CEP128: variants seen among roughly 807,000 people sequenced by gnomAD.
The protein encoded by CEP128 is centrosomal protein 128kDa.
Under a neutral mutation model 156.7 loss-of-function variants are expected in CEP128, and 132 were observed. The ratio of observed to expected loss-of-function variants is 0.84; its 90% CI spans 0.73 to 0.97. CEP128 has a LOEUF of 0.97. Among genes scored for constraint, CEP128 ranks in the 50% least tolerant of loss-of-function variants. The pLI is 0.00. For synonymous variants in CEP128, 469 were observed against 448.9 expected, an observed-to-expected ratio of 1.04 and a Z score of -0.57; for missense variants, 1,252 against 1,281.9, an observed-to-expected ratio of 0.98 and a Z score of 0.36.
chr14:80,885,350 G>A (rs1294566314), intron 8 of CEP128, among the ~76,000 whole-genome samples: 3 of 152,190 alleles, frequency 2.0e-5, no homozygotes, highest in Non-Finnish European at 4.4e-5. Context: ...TCTCAGCAGG[G>A]GTCAACAGAC....
exon 15 of CEP128, chr14:80,478,034 C>G (rs1468848161): frequency 6.6e-6 from 1 of 152,172 alleles, no homozygotes; most frequent in Admixed American, 6.5e-5. Flanking sequence ...CTGGATACTT[C>G]CCTTCAGCTT....
At chr14:80,542,172 T>C (rs905202462) in intron 21 of CEP128, among the ~76,000 whole-genome samples, 7 of 152,208 alleles carry the variant, frequency 4.6e-5, no homozygotes, top group Non-Finnish European at 8.8e-5. Context: ...TCCCATCCTG[T>C]GTGTAATTAT....
At chr14:80,736,807 T>C (rs1306730856) in intron 19 of CEP128, among the ~76,000 whole-genome samples, 1 of 152,232 alleles carries the variant, frequency 6.6e-6, no homozygotes. Flanking sequence ...ACTAAAGACA[T>C]GAATGTTGAT....
At chr14:80,955,586 T>A (rs1886616762) in intron 2 of CEP128, 1 of 1,477,284 alleles carries the variant, frequency 6.8e-7, no homozygotes, top group Non-Finnish European at 9.4e-7. Context: ...CCCCTCCCGC[T>A]CCCGGGTCTC....
chr14:80,720,219 T>C (rs1023560204), intron 19 of CEP128, among the ~76,000 whole-genome samples: 6 of 152,036 alleles, frequency 3.9e-5, no homozygotes, highest in Non-Finnish European at 4.4e-5. Flanking sequence ...TGTCAGAACA[T>C]AATGCTCAAG....
intron 16 of CEP128, among the ~76,000 whole-genome samples, chr14:80,772,878 T>C (rs958329232): frequency 4.6e-5 from 7 of 152,160 alleles, no homozygotes; most frequent in East Asian, 1.9e-4. Flanking sequence ...TCTGAGACAA[T>C]GCTTGTTAAA....
At chr14:80,802,445 C>T (rs1883926267) in intron 13 of CEP128, among the ~76,000 whole-genome samples, 1 of 151,792 alleles carries the variant, frequency 6.6e-6, no homozygotes, top group Non-Finnish European at 1.5e-5. Context: ...GAACAGAAAA[C>T]CAAACACCGC....
In CEP128 at chr14:80,745,234, G is replaced by C. The variant is rs139737999; in HGVS notation, c.2614-1967C>G. Among the ~76,000 whole-genome samples, 286 of 152,128 alleles carry C rather than the reference G, an allele frequency of 1.9e-3. 2 individuals carry two copies. The highest frequency in any genetic ancestry group is 6.4e-3 in the African/African-American group (264 of 41,492). Reference sequence around the variant, plus strand: ...TCTCTCTCTCTTGCAGCCATGTGAAGACAAGACATGCTTGCTTCCCTTTCA... The same window carrying C: ...TCTCTCTCTCTTGCAGCCATGTGAACACAAGACATGCTTGCTTCCCTTTCA... On this transcript the variant is annotated intron_variant, in intron 18 of 24. Transcript: ENST00000555265.
At chr14:80,731,080 C>T (rs1898249774) in intron 19 of CEP128, among the ~76,000 whole-genome samples, 1 of 152,120 alleles carries the variant, frequency 6.6e-6, no homozygotes, top group Admixed American at 6.6e-5. Flanking sequence ...GAAATTTTGA[C>T]AATTCTATTT....
At chr14:80,644,796 G>A (rs6574594) in intron 19 of CEP128, among the ~76,000 whole-genome samples, 20,917 of 151,958 alleles carry the variant, frequency 0.14, 1,662 homozygotes, top group East Asian at 0.34. Context: ...TGTTTAATGT[G>A]GATTAGTTAG....
intron 19 of CEP128, among the ~76,000 whole-genome samples, chr14:80,719,991 A>C (rs1004493762): frequency 2.9e-4 from 44 of 152,140 alleles, no homozygotes; most frequent in African/African-American, 1.0e-3. Context: ...AAAGATAGAA[A>C]CACAGAAAAG....
At chr14:80,723,650 A>C (rs1294670675) in intron 19 of CEP128, among the ~76,000 whole-genome samples, 1 of 152,212 alleles carries the variant, frequency 6.6e-6, no homozygotes, top group African/African-American at 2.4e-5. Context: ...TGATTTTAGC[A>C]CTTGTTTTTA....
At chr14:80,876,481 C>T (rs1456352734) in intron 8 of CEP128, among the ~76,000 whole-genome samples, 1 of 151,802 alleles carries the variant, frequency 6.6e-6, no homozygotes, top group Non-Finnish European at 1.5e-5. Context: ...CCTGTAGTCC[C>T]AGCTACTTGG....
intron 19 of CEP128, among the ~76,000 whole-genome samples, chr14:80,736,678 T>C (rs1898548086): frequency 6.6e-6 from 1 of 152,154 alleles, no homozygotes; most frequent in South Asian, 2.1e-4. Context: ...ATTAAGTTCA[T>C]CCAATAGAAG....
chr14:80,785,429 C>T lies in CEP128; in HGVS notation c.1677G>A (p.Glu559=), dbSNP rs1461642141. The change falls in exon 15 of 25, where the codon GAG becomes GAA. Residue 559 remains glutamate, a synonymous_variant. Coordinates refer to ENST00000555265, the MANE Select transcript of CEP128 (RefSeq NM_152446.5). ...GTAATTTCTCCTCCTTGGAGTGAAG[C>T]TCCTCCTCCTGAAGGGCACGCTTTG... ...VLTKRALQEE[E]LHSKEEKLRD... The T allele has an allele frequency of 1.5e-5, 24 of 1,613,938 alleles. No individual in the cohort carries two copies. The highest frequency in any genetic ancestry group is 2.0e-5 in the Non-Finnish European group (24 of 1,179,978).
chr14:80,601,877 C>T (rs78851668), intron 19 of CEP128, among the ~76,000 whole-genome samples: 5 of 138,844 alleles, frequency 3.6e-5, no homozygotes, highest in Non-Finnish European at 7.8e-5. Flanking sequence ...AAGTGGCACA[C>T]ATAACTGTAA....
intron 20 of CEP128, among the ~76,000 whole-genome samples, chr14:80,561,737 T>C (rs1034302361): frequency 3.9e-5 from 6 of 152,112 alleles, no homozygotes; most frequent in African/African-American, 1.4e-4. Flanking sequence ...TCCTAATTCA[T>C]ATCTTAGTGT....
chr14:80,946,375 T>A (rs1886345427), upstream of CEP128, among the ~76,000 whole-genome samples: 1 of 96,780 alleles, frequency 1.0e-5, no homozygotes, highest in Non-Finnish European at 2.2e-5. Flanking sequence ...TGATGCATCA[T>A]GATGATGCCT....
downstream of CEP128, among the ~76,000 whole-genome samples, chr14:80,488,992 G>T (rs191125321): frequency 2.7e-5 from 4 of 149,280 alleles, no homozygotes; most frequent in African/African-American, 9.9e-5. Context: ...TGTGGGTTGG[G>T]GGGAGGGGGG....
Sources: gnomAD v4.1 joint callset for allele counts (sites outside exome capture counted in the v4.1 genomes callset) on GRCh38, gnomAD v4.1.1 for gene constraint, MANE v1.5 for transcripts, NCBI Gene and HGNC (gene_info 2026-07-23, HGNC 2026-07-21) for gene names.